NAA16: variants seen among roughly 807,000 people sequenced by gnomAD.
The protein encoded by NAA16 is N-alpha-acetyltransferase 16, NatA auxiliary subunit.
NAA16 carries 97 observed loss-of-function variants against 110.3 expected under a neutral mutation model. That is an observed-to-expected ratio of 0.88 (90% CI 0.75 to 1.04). The LOEUF is 1.04. Among genes scored for constraint, NAA16 ranks in the 50% least tolerant of loss-of-function variants. The probability of loss-of-function intolerance (pLI) is 0.00; values close to 1 mark genes in which losing one functional copy is unlikely to be tolerated. For synonymous variants in NAA16, 372 were observed against 330.6 expected, an observed-to-expected ratio of 1.13 and a Z score of -1.36; for missense variants, 1,017 against 1,005.1, an observed-to-expected ratio of 1.01 and a Z score of -0.16.
At chr13:41,342,263 G>A (rs574258555) in intron 9 of NAA16, among the ~76,000 whole-genome samples, 13 of 151,832 alleles carry the variant, frequency 8.6e-5, no homozygotes, top group Non-Finnish European at 1.3e-4. Flanking sequence ...TCAGCCTCCC[G>A]AGTAGCTGGG....
intron 15 of NAA16, among the ~76,000 whole-genome samples, chr13:41,369,915 A>G (rs749693464): frequency 5.3e-5 from 8 of 152,220 alleles, no homozygotes; most frequent in Non-Finnish European, 8.8e-5. Flanking sequence ...CTATAACATA[A>G]TAAGTGTGTT....
At chr13:41,328,509 G>A (rs1374115428) in intron 6 of NAA16, among the ~76,000 whole-genome samples, 1 of 152,046 alleles carries the variant, frequency 6.6e-6, no homozygotes, top group African/African-American at 2.4e-5. Flanking sequence ...GTATTTGTTT[G>A]GAGTGTAAGA....
chr13:41,352,641 T>A (rs917492418), intron 9 of NAA16, among the ~76,000 whole-genome samples: 1 of 152,016 alleles, frequency 6.6e-6, no homozygotes. Flanking sequence ...GGCAACAGAG[T>A]GAGACTTGGT....
intron 10 of NAA16, among the ~76,000 whole-genome samples, chr13:41,357,780 T>G (rs753570206): frequency 1.3e-5 from 2 of 152,202 alleles, no homozygotes; most frequent in Non-Finnish European, 2.9e-5. Context: ...TTTTTTCTAC[T>G]TAGGTTTTTG....
intron 14 of NAA16, among the ~76,000 whole-genome samples, chr13:41,368,803 A>G (rs975961325): frequency 3.3e-5 from 5 of 152,252 alleles, no homozygotes; most frequent in African/African-American, 1.2e-4. Context: ...CCATAATATA[A>G]TTTATGAAAA....
At chr13:41,342,044 G>A (rs934276689) in intron 9 of NAA16, among the ~76,000 whole-genome samples, 4 of 151,346 alleles carry the variant, frequency 2.6e-5, no homozygotes, top group African/African-American at 9.7e-5. Context: ...GTGTTCGCCA[G>A]GATGGTCTCG....
chr13:41,319,599 C>T (rs1405300725), intron 3 of NAA16, among the ~76,000 whole-genome samples: 1 of 152,064 alleles, frequency 6.6e-6, no homozygotes, highest in African/African-American at 2.4e-5. Flanking sequence ...TTACTGCAAC[C>T]TCCACCTCTT....
At chr13:41,360,652 G>T (rs2043094131) in intron 12 of NAA16, among the ~76,000 whole-genome samples, 1 of 152,166 alleles carries the variant, frequency 6.6e-6, no homozygotes, top group African/African-American at 2.4e-5. Flanking sequence ...TAGTTTGTTG[G>T]CCAGGCAAAT....
chr13:41,361,853 G>A (rs2043118374), intron 12 of NAA16, among the ~76,000 whole-genome samples, 178 bp from the exon 13 acceptor site: 1 of 152,210 alleles, frequency 6.6e-6, no homozygotes, highest in Admixed American at 6.5e-5. Context: ...CATGGAAGGT[G>A]AAACCTTGGA....
Position 41,376,447 on chromosome 13 carries a change from T to C in NAA16, c.*845T>C, listed in dbSNP as rs1370752089. 6.6e-6 allele frequency: 1 copy of C among 152,208 alleles called. No individual in the cohort carries two copies. Among genetic ancestry groups the C allele is most frequent in the African/African-American group, 2.4e-5 (1 of 41,458 alleles). The allele number at this position is 152,208 out of a possible 1,614,324, so 9.4% of individuals were successfully genotyped here. A position where few individuals can be genotyped will look rare whatever the true frequency, so the allele number is the denominator to read the frequency against. ...GGGTACTCTAGTTTTATGTAGATGATTTCAGAATGTGAAGGCTGGTTTGCC... is the reference window on the plus strand; with the variant it reads ...GGGTACTCTAGTTTTATGTAGATGACTTCAGAATGTGAAGGCTGGTTTGCC... On this transcript the variant is annotated 3_prime_UTR_variant, in exon 20 of 20. Coordinates refer to ENST00000379406, the MANE Select transcript of NAA16 (RefSeq NM_024561.5).
At chr13:41,367,747 CT>C (rs2043236200) in intron 14 of NAA16, 95 bp downstream of exon 14, 2 of 801,090 alleles carry the variant, frequency 2.5e-6, no homozygotes, top group South Asian at 2.4e-5. Flanking sequence ...AATATATTGT[CT>C]GTTGGAGTTG....
chr13:41,321,739 C>T (rs1021125478), intron 4 of NAA16, among the ~76,000 whole-genome samples: 10 of 146,530 alleles, frequency 6.8e-5, no homozygotes, highest in African/African-American at 2.6e-4. Context: ...CACTTCGTAT[C>T]CTAGAATCAG....
In NAA16 at chr13:41,325,811, GAAAC is replaced by G. The variant is rs1404890170; in HGVS notation, c.655_658del (p.Gln219TyrfsTer16). On this transcript the variant is annotated frameshift_variant, in exon 6 of 20. Transcript: ENST00000379406. LOFTEE classifies it high-confidence loss of function. ...CTTTGGAACATATAGAAATGTATGA[GAAAC>G]AAATATGTGATAAACTTTTGGTGGA... 6.2e-7 allele frequency: 1 copy of G among 1,608,084 alleles called. No homozygotes were observed.
intron 15 of NAA16, among the ~76,000 whole-genome samples, chr13:41,371,881 CTTTAAATG>C (rs1386969524): frequency 3.9e-5 from 6 of 152,084 alleles, no homozygotes; most frequent in Non-Finnish European, 8.8e-5. Flanking sequence ...TGTCTCCTTA[CTTTAAATG>C]TTTATAGCAG....
At chr13:41,339,249 C>T (rs932261055) in intron 9 of NAA16, among the ~76,000 whole-genome samples, 1 of 152,074 alleles carries the variant, frequency 6.6e-6, no homozygotes, top group Non-Finnish European at 1.5e-5. Flanking sequence ...AAGCAAATCT[C>T]CTGCCTCAGC....
Position 41,367,424 on chromosome 13 carries a change from A to T in NAA16, c.1540-15A>T. 1.3e-6 allele frequency: 2 copies of T among 1,563,032 alleles called. No individual in the cohort carries two copies. The highest frequency in any genetic ancestry group is 1.8e-6 in the Non-Finnish European group (2 of 1,142,502). ...CATAAATGTAAAGGTTAATTTTGTG[A>T]TTTTTGTTTTTAAGCATTTTTTTGA... On this transcript the variant is annotated splice_polypyrimidine_tract_variant and intron_variant, in intron 13 of 19. Coordinates refer to ENST00000379406, the MANE Select transcript of NAA16 (RefSeq NM_024561.5).
In NAA16 at chr13:41,375,576, TATG is replaced by T. The variant is rs750985667; in HGVS notation, c.2573_2575del (p.Asp858del). ...TGTGGCACTGAACCATACAGCTAAT[TATG>T]ATGTCTTGGCAAATGAAATTTGAAA... On this transcript the variant is annotated inframe_deletion, in exon 20 of 20. Coordinates refer to ENST00000379406, the MANE Select transcript of NAA16 (RefSeq NM_024561.5). 3.3e-5 allele frequency: 53 copies of T among 1,613,462 alleles called. No homozygotes were observed. In the South Asian group the frequency reaches 5.5e-4, roughly 17 times the overall value.
At chr13:41,311,986 G>C (rs2041608504) in intron 1 of NAA16, among the ~76,000 whole-genome samples, 1 of 152,216 alleles carries the variant, frequency 6.6e-6, no homozygotes, top group South Asian at 2.1e-4. Flanking sequence ...GGTGTTTTGC[G>C]TTCTGCATTC....
chr13:41,367,334 G>T, intron 13 of NAA16, 105 bp from the exon 14 acceptor site: 1 of 733,830 alleles, frequency 1.4e-6, no homozygotes. Flanking sequence ...AGTGAAAATT[G>T]TGACTGTTTA....
Sources: gnomAD v4.1 joint callset for allele counts (sites outside exome capture counted in the v4.1 genomes callset) on GRCh38, gnomAD v4.1.1 for gene constraint, MANE v1.5 for transcripts, NCBI Gene and HGNC (gene_info 2026-07-23, HGNC 2026-07-21) for gene names.